The following AGO2 variants were observed in gnomAD, a reference collection of about 807,000 sequenced individuals.
AGO2 encodes protein argonaute-2.
AGO2 carries 5 observed loss-of-function variants against 102.3 expected under a neutral mutation model. The observed-to-expected ratio is 0.05, with a 90% confidence interval of 0.03 to 0.10. AGO2 has a LOEUF of 0.10. AGO2 is among the 10% of genes least tolerant of loss of function. The pLI is 1.00. For synonymous variants in AGO2, 449 were observed against 473.1 expected (o/e 0.95, Z 0.66); for missense variants, 541 against 1,183.7 (o/e 0.46, Z 7.97).
chr8:140,554,839 G>A (rs890516017), intron 10 of AGO2, among the ~76,000 whole-genome samples: 4 of 151,896 alleles, frequency 2.6e-5, no homozygotes, highest in East Asian at 1.9e-4. Flanking sequence ...CTACAGGTGC[G>A]CACCACCACT....
At chr8:140,575,049 G>A (rs1054701730) in intron 2 of AGO2, among the ~76,000 whole-genome samples, 2 of 152,092 alleles carry the variant, frequency 1.3e-5, no homozygotes, top group African/African-American at 4.8e-5. Context: ...CAACACCTGC[G>A]GTCTGGGGAG....
rs2072594648 is a variant in AGO2, at chr8:140,531,529, G to A, written c.*515C>T. ...CACCGGCCCTCAGTCGAGGAACTTG[G>A]GTGAGCCACGCCAGGGGCACACGAG... is the stretch of plus-strand genomic sequence containing the variant. On this transcript the variant is annotated 3_prime_UTR_variant, in exon 19 of 19. Coordinates refer to ENST00000220592, the MANE Select transcript of AGO2 (RefSeq NM_012154.5). 1 of 155,084 alleles carries A rather than the reference G, an allele frequency of 6.4e-6. No individual in the cohort carries two copies. Among genetic ancestry groups the A allele is most frequent in the African/African-American group, 2.4e-5 (1 of 41,442 alleles). 9.6% of individuals were successfully genotyped at this position (155,084 alleles called of 1,614,324 possible).
intron 3 of AGO2, among the ~76,000 whole-genome samples, chr8:140,571,136 A>G (rs1452468127): frequency 6.6e-6 from 1 of 152,316 alleles, no homozygotes; most frequent in East Asian, 1.9e-4. Flanking sequence ...GGGAAAACCA[A>G]CGTCTATCAC....
At chr8:140,577,821 T>C (rs977744256) in intron 2 of AGO2, among the ~76,000 whole-genome samples, 1 of 152,180 alleles carries the variant, frequency 6.6e-6, no homozygotes, top group Non-Finnish European at 1.5e-5. Flanking sequence ...GAACATTCAC[T>C]GTTCCGAGCC....
At chr8:140,631,741 A>G (rs2074344810) in intron 1 of AGO2, among the ~76,000 whole-genome samples, 1 of 152,196 alleles carries the variant, frequency 6.6e-6, no homozygotes, top group Admixed American at 6.5e-5. Context: ...GTTAACTGTC[A>G]TAACGGCACT....
upstream of AGO2, among the ~76,000 whole-genome samples, chr8:140,635,789 C>CGCGGCGGCGGCG (rs528099474): frequency 8.5e-5 from 11 of 129,580 alleles, no homozygotes; most frequent in African/African-American, 2.5e-4. Flanking sequence ...GGGCGGGGTC[C>CGCGGCGGCGGCG]GCGGCGGCGG....
At chr8:140,578,247 C>G (rs770482598) in intron 2 of AGO2, among the ~76,000 whole-genome samples, 2 of 152,242 alleles carry the variant, frequency 1.3e-5, no homozygotes, top group Non-Finnish European at 2.9e-5. Context: ...CTCAAACACA[C>G]ATGACCACGT....
chr8:140,535,423 C>T (rs371605997), intron 17 of AGO2, 45 bp downstream of exon 17: 19 of 1,591,312 alleles, frequency 1.2e-5, no homozygotes, highest in Middle Eastern at 1.7e-4. Flanking sequence ...GGGGATGACA[C>T]GGCAGACGGC....
intron 1 of AGO2, among the ~76,000 whole-genome samples, chr8:140,597,894 G>A (rs1266404259): frequency 1.3e-5 from 2 of 152,194 alleles, no homozygotes; most frequent in East Asian, 1.9e-4. Context: ...GGGCTGTTGC[G>A]TCATCTGCCA....
At position 140,541,099 on chromosome 8, in the gene AGO2, T is replaced by C. The variant is rs942564769; in HGVS notation, c.2034+65A>G. The C allele has an allele frequency of 4.1e-6, 6 of 1,447,476 alleles. No homozygotes were observed. The Admixed American group carries it at 1.5e-4, about 36-fold the overall frequency. The allele number at this position is 1,447,476 out of a possible 1,614,324, so 89.7% of individuals were successfully genotyped here. A position where few individuals can be genotyped will look rare whatever the true frequency, so the allele number is the denominator to read the frequency against. The stretch of plus-strand genomic sequence containing the variant: ...TCTTGCCATTCATCGAGCGTGGTTC[T>C]GCTGCACAAACAGGTGAATTACAGA... On this transcript the variant is annotated intron_variant, in intron 15 of 18. Coordinates refer to ENST00000220592, the MANE Select transcript of AGO2 (RefSeq NM_012154.5).
chr8:140,574,009 C>T (rs868697496), intron 2 of AGO2, among the ~76,000 whole-genome samples: 2 of 152,216 alleles, frequency 1.3e-5, no homozygotes, highest in Non-Finnish European at 2.9e-5. Context: ...CGGATGCTTG[C>T]TGCTGGGAGA....
intron 2 of AGO2, among the ~76,000 whole-genome samples, chr8:140,575,235 C>T (rs774906151): frequency 1.3e-5 from 2 of 151,842 alleles, no homozygotes; most frequent in Non-Finnish European, 2.9e-5. Context: ...GGCACAATCT[C>T]CCCTGGCACC....
intron 3 of AGO2, among the ~76,000 whole-genome samples, chr8:140,566,793 T>TG (rs1173919443): frequency 2.6e-5 from 4 of 152,160 alleles, no homozygotes; most frequent in African/African-American, 9.7e-5. Context: ...TGGCTGGGCA[T>TG]GGGGGGACAA....
the AGO2 span, among the ~76,000 whole-genome samples, chr8:140,641,604 G>C: frequency 6.6e-6 from 1 of 152,198 alleles, no homozygotes; most frequent in Non-Finnish European, 1.5e-5. Context: ...TTATTTTTGA[G>C]ACAGATTCTC....
intron 3 of AGO2, among the ~76,000 whole-genome samples, chr8:140,564,655 A>G (rs1370979882): frequency 6.6e-6 from 1 of 152,202 alleles, no homozygotes; most frequent in Non-Finnish European, 1.5e-5. Flanking sequence ...AGAATAAACT[A>G]TATAGGGCCA....
intron 16 of AGO2, among the ~76,000 whole-genome samples, chr8:140,538,319 C>T (rs1471908193): frequency 2.0e-5 from 3 of 152,212 alleles, no homozygotes; most frequent in South Asian, 2.1e-4. Flanking sequence ...CCTCCCTTGA[C>T]CAGGTCAAGG....
chr8:140,600,257 C>T (rs1400959389), intron 1 of AGO2, among the ~76,000 whole-genome samples: 1 of 152,250 alleles, frequency 6.6e-6, no homozygotes, highest in African/African-American at 2.4e-5. Flanking sequence ...TGTATGAAGT[C>T]TACTCGAAAG....
intron 1 of AGO2, 130 bp downstream of exon 1, chr8:140,635,355 C>CGCCCCCG: frequency 5.3e-6 from 3 of 566,676 alleles, no homozygotes; most frequent in Non-Finnish European, 6.7e-6. Flanking sequence ...CCGGCTCGCC[C>CGCCCCCG]GCCCCCGGCC....
intron 1 of AGO2, among the ~76,000 whole-genome samples, chr8:140,618,784 C>T (rs1218455398): frequency 6.6e-6 from 1 of 151,646 alleles, no homozygotes; most frequent in Non-Finnish European, 1.5e-5. Context: ...TGTATTACTG[C>T]ACTCCAGCCT....
Sources: allele counts gnomAD v4.1 joint callset (sites outside exome capture counted in the v4.1 genomes callset), GRCh38; gene constraint gnomAD v4.1.1; transcripts MANE v1.5; gene names NCBI Gene and HGNC (gene_info 2026-07-23, HGNC 2026-07-21).